The following TNPO3 variants were observed in gnomAD, a reference collection of about 807,000 sequenced individuals.
The protein encoded by TNPO3 is transportin 3.
Under a neutral mutation model 122.8 loss-of-function variants are expected in TNPO3, and 65 were observed. The observed-to-expected ratio is 0.53, with a 90% CI of 0.43 to 0.65. The LOEUF is 0.65. TNPO3 is among the 30% of genes least tolerant of loss of function. The pLI, the probability that TNPO3 is intolerant of heterozygous loss-of-function variation, is 0.00. For synonymous variants in TNPO3, 372 were observed against 411.2 expected, an observed-to-expected ratio of 0.90 and a Z score of 1.15; for missense variants, 850 against 1,136.7, an observed-to-expected ratio of 0.75 and a Z score of 3.63.
In TNPO3 at chr7:128,970,335, A is replaced by G. The variant is rs1407969843; in HGVS notation, c.2431-20T>C. ...TTCATGCTGTATGTAGGAAAGCAGGAACATCAGATAAATTCTAGTCTCAAC... is the reference window on the plus strand; with the variant it reads ...TTCATGCTGTATGTAGGAAAGCAGGGACATCAGATAAATTCTAGTCTCAAC... On this transcript the variant is annotated intron_variant, in intron 19 of 22. Transcript: ENST00000265388. 5 of 1,549,174 alleles carry G rather than the reference A, an allele frequency of 3.2e-6. No individual in the cohort carries two copies. In the African/African-American group the frequency reaches 6.9e-5, roughly 21 times the overall value.
In TNPO3 at chr7:128,986,903, A is replaced by T. The variant is rs1207219005; in HGVS notation, c.1516T>A (p.Leu506Met). Residue 506 changes from leucine to methionine, a missense_variant, in exon 12 of 23, where the codon TTG becomes ATG. Physicochemically the swap from Leu to Met is conservative, Grantham distance 15 (BLOSUM62 2). Coordinates refer to ENST00000265388, the MANE Select transcript of TNPO3 (RefSeq NM_012470.4). ...PQFLDPVLGYLMKGLCEKPLA... is the reference protein window; with the variant it reads ...PQFLDPVLGYMMKGLCEKPLA... ...GGCTTTTCACACAGGCCTTTCATCA[A>T]ATAGCCCAACACAGGGTCTAAGAAG... 1 of 1,612,976 alleles carries T rather than the reference A, an allele frequency of 6.2e-7. No individual in the cohort carries two copies. The highest frequency in any genetic ancestry group is 8.5e-7 in the Non-Finnish European group (1 of 1,179,722).
chr7:128,959,892 G>C (rs1478182893), intron 21 of TNPO3, among the ~76,000 whole-genome samples: 1 of 152,098 alleles, frequency 6.6e-6, no homozygotes, highest in Non-Finnish European at 1.5e-5. Flanking sequence ...GTGGTGGTGG[G>C]CACCTGTGAT....
At chr7:129,048,540 TAAAC>T (rs1205809280) in intron 1 of TNPO3, among the ~76,000 whole-genome samples, 4 of 150,682 alleles carry the variant, frequency 2.7e-5, no homozygotes, top group Non-Finnish European at 5.9e-5. Context: ...AAAAAATAAA[TAAAC>T]AAAGAGAGCC....
chr7:129,016,679 T>C (rs1803891928), intron 3 of TNPO3, among the ~76,000 whole-genome samples: 1 of 152,226 alleles, frequency 6.6e-6, no homozygotes, highest in African/African-American at 2.4e-5. Context: ...AAATTCTATA[T>C]TTTTACAAAA....
At chr7:129,023,281 A>C (rs1804746778) in intron 1 of TNPO3, among the ~76,000 whole-genome samples, 1 of 152,102 alleles carries the variant, frequency 6.6e-6, no homozygotes, top group Non-Finnish European at 1.5e-5. Flanking sequence ...TAAATTCATG[A>C]GGTATTTTAC....
At chr7:128,984,946 T>C (rs978322465) in intron 12 of TNPO3, among the ~76,000 whole-genome samples, 2 of 152,188 alleles carry the variant, frequency 1.3e-5, no homozygotes, top group Admixed American at 6.5e-5. Flanking sequence ...TAGGTTCAAG[T>C]GGAGACAGAA....
intron 7 of TNPO3, among the ~76,000 whole-genome samples, chr7:128,999,095 C>T (rs1366008551): frequency 2.6e-5 from 4 of 152,136 alleles, no homozygotes; most frequent in Non-Finnish European, 1.5e-5. Flanking sequence ...TTATGATCTG[C>T]CCACCTCGGC....
chr7:128,971,241 G>T (rs1272866747), intron 19 of TNPO3, among the ~76,000 whole-genome samples: 1 of 151,886 alleles, frequency 6.6e-6, no homozygotes, highest in African/African-American at 2.4e-5. Flanking sequence ...CATCCCCTGG[G>T]TTCAAGCAAT....
chr7:128,972,684 T>C, intron 18 of TNPO3, 102 bp from the exon 19 acceptor site: 1 of 1,081,164 alleles, frequency 9.2e-7, no homozygotes, highest in Non-Finnish European at 1.3e-6. Flanking sequence ...AGATCAGTGG[T>C]TGGTGGGGGG....
intron 21 of TNPO3, among the ~76,000 whole-genome samples, chr7:128,962,085 G>T (rs949747784): frequency 6.6e-6 from 1 of 152,066 alleles, no homozygotes; most frequent in Non-Finnish European, 1.5e-5. Context: ...TAGGGAATTG[G>T]CCAGGCGCGG....
chr7:128,986,474 C>T lies in TNPO3; in HGVS notation c.1690+255G>A, dbSNP rs1800160544. On this transcript the variant is annotated intron_variant, in intron 12 of 22. Transcript: ENST00000265388. ...CGTGTTTAGTTTGAATATGTTGTCT[C>T]TACCCAAATCTAGGTCGGTGCTATA... Among the ~76,000 whole-genome samples, 6 of 152,300 alleles carry T rather than the reference C, an allele frequency of 3.9e-5. No individual in the cohort carries two copies. The South Asian group carries it at 1.2e-3, about 32-fold the overall frequency.
intron 1 of TNPO3, among the ~76,000 whole-genome samples, chr7:129,052,565 T>C (rs1316034924): frequency 2.6e-5 from 4 of 152,240 alleles, no homozygotes; most frequent in African/African-American, 9.6e-5. Context: ...AAGGTTGTAA[T>C]AGAGTATTGG....
intron 21 of TNPO3, among the ~76,000 whole-genome samples, chr7:128,966,578 G>A (rs564142088): frequency 8.5e-5 from 13 of 152,150 alleles, no homozygotes; most frequent in Admixed American, 4.6e-4. Flanking sequence ...GACATTATCT[G>A]TAATACTAAA....
At chr7:128,974,799 G>C (rs1310578630) in intron 18 of TNPO3, 69 bp downstream of exon 18, 2 of 1,272,904 alleles carry the variant, frequency 1.6e-6, no homozygotes, top group Non-Finnish European at 2.3e-6. Flanking sequence ...AAACAACCAA[G>C]GGTCAGATGG....
chr7:129,052,760 G>A (rs1473238081), intron 1 of TNPO3, among the ~76,000 whole-genome samples: 2 of 152,162 alleles, frequency 1.3e-5, no homozygotes, highest in African/African-American at 4.8e-5. Flanking sequence ...ATAGTTGCTG[G>A]CACATGGTAA....
Position 129,000,482 on chromosome 7 carries a change from C to T in TNPO3, c.958G>A (p.Asp320Asn). The change falls in exon 7 of 23, where the codon GAC becomes AAC. Residue 320 changes from aspartate (D) to asparagine (N), a missense_variant. Coordinates refer to ENST00000265388, the MANE Select transcript of TNPO3 (RefSeq NM_012470.4). ...AGCAGCAGCTCCAGAGTTCGAAGGT[C>T]CCCAAGACCTTGGCCTGGAGTACAA... ...IVCTPGQGLGDLRTLELLLIC... is the reference protein window; with the variant it reads ...IVCTPGQGLGNLRTLELLLIC... 1 of 1,614,082 alleles carries T rather than the reference C, an allele frequency of 6.2e-7. No individual in the cohort carries two copies. Among genetic ancestry groups the T allele is most frequent in the East Asian group, 2.2e-5 (1 of 44,880 alleles).
intron 1 of TNPO3, among the ~76,000 whole-genome samples, chr7:129,046,427 C>T (rs546814227): frequency 6.6e-5 from 10 of 152,056 alleles, no homozygotes; most frequent in Non-Finnish European, 1.2e-4. Context: ...GGAATATTTT[C>T]TATTTTCTAG....
In TNPO3 at chr7:128,997,474, T is replaced by C. The variant is rs2150368323; in HGVS notation, c.1073A>G (p.Asp358Gly). The C allele has an allele frequency of 6.2e-7, 1 of 1,614,074 alleles. No homozygotes were observed. Among genetic ancestry groups the C allele is most frequent in the Non-Finnish European group, 8.5e-7 (1 of 1,179,908 alleles). The change falls in exon 8 of 23, where the codon GAT becomes GGT. Residue 358 changes from aspartate (D) to glycine (G), a missense_variant. Transcript: ENST00000265388. ...TTTGAAGATGCCATGAATAACTTCA[T>C]CGTTAGTTTTGTACAAATGTTCCCC... ...RLGEHLYKTNDEVIHGIFKAY... is the reference protein window; with the variant it reads ...RLGEHLYKTNGEVIHGIFKAY...
intron 18 of TNPO3, among the ~76,000 whole-genome samples, chr7:128,973,804 GAAA>G (rs34207082): frequency 2.4e-4 from 12 of 50,078 alleles, no homozygotes; most frequent in Non-Finnish European, 1.0e-4. Context: ...TCTATCAACT[GAAA>G]AAAAAAAAAA....
Sources: gnomAD v4.1 joint callset for allele counts (sites outside exome capture counted in the v4.1 genomes callset) on GRCh38, gnomAD v4.1.1 for gene constraint, MANE v1.5 for transcripts, NCBI Gene and HGNC (gene_info 2026-07-23, HGNC 2026-07-21) for gene names.